Variants in PPP2R2C observed in about 807,000 individuals in gnomAD.
PPP2R2C encodes the protein protein phosphatase 2, regulatory subunit B, gamma.
PPP2R2C carries 10 observed loss-of-function variants against 45.3 expected under a neutral mutation model. The ratio of observed to expected loss-of-function variants is 0.22; its 90% confidence interval spans 0.14 to 0.37. The LOEUF is 0.37. Among genes scored for constraint, PPP2R2C ranks in the 10% least tolerant of loss-of-function variants. The probability of loss-of-function intolerance (pLI) is 1.00; values close to 1 mark genes in which losing one functional copy is unlikely to be tolerated. For synonymous variants in PPP2R2C, 257 were observed against 245.4 expected (o/e 1.05, Z -0.44); for missense variants, 308 against 619.7 (o/e 0.50, Z 5.34).
intron 1 of PPP2R2C, among the ~76,000 whole-genome samples, chr4:6,447,273 C>T (rs1410948708): frequency 6.6e-6 from 1 of 152,158 alleles, no homozygotes; most frequent in Non-Finnish European, 1.5e-5. Flanking sequence ...GAAGGTCCCT[C>T]GCACCCTTCC....
chr4:6,537,975 TG>T (rs1458571834), intron 1 of PPP2R2C, among the ~76,000 whole-genome samples: 1 of 152,104 alleles, frequency 6.6e-6, no homozygotes, highest in East Asian at 1.9e-4. Context: ...TTACCAGGGC[TG>T]GGGTTATGGA....
At chr4:6,381,379 A>G (rs1560500044) in intron 1 of PPP2R2C, 1 of 1,465,528 alleles carries the variant, frequency 6.8e-7, no homozygotes, top group Non-Finnish European at 9.1e-7. Context: ...GTAACTGGAC[A>G]CTCTATGGGA....
chr4:6,363,439 C>G (rs181072068), intron 5 of PPP2R2C, among the ~76,000 whole-genome samples: 1 of 151,900 alleles, frequency 6.6e-6, no homozygotes, highest in South Asian at 2.1e-4. Context: ...ATTAGCCGGG[C>G]GTGGTGGCGG....
In PPP2R2C at chr4:6,378,561, C is replaced by T. The variant is rs751855715; in HGVS notation, c.180G>A (p.Ala60=). The T allele has an allele frequency of 1.7e-5, 27 of 1,613,272 alleles. No homozygotes were observed. Among genetic ancestry groups the T allele is most frequent in the South Asian group, 4.4e-5 (4 of 90,990 alleles). ...CGTCGTATTCGCCCTGGCTGTGGGG[C>T]GCATTTTTACTCTGCAGGGAAACCC... is the stretch of plus-strand genomic sequence containing the variant. ...IFQREPESKN[A]PHSQGEYDVY... Residue 60 remains alanine (A), a synonymous_variant, in exon 3 of 9, where the codon GCG becomes GCA. Coordinates refer to ENST00000382599, the MANE Select transcript of PPP2R2C (RefSeq NM_020416.4). The surrounding 1 kb of genome is among the most constrained non-coding windows in gnomAD (Gnocchi z 5.2).
At chr4:6,366,360 A>G (rs1714305856) in intron 5 of PPP2R2C, among the ~76,000 whole-genome samples, 1 of 152,148 alleles carries the variant, frequency 6.6e-6, no homozygotes, top group Non-Finnish European at 1.5e-5. Flanking sequence ...AGGCGCCCAG[A>G]TCAAAAAGGA....
chr4:6,405,116 T>C (rs1006398335), intron 1 of PPP2R2C, among the ~76,000 whole-genome samples: 9 of 152,214 alleles, frequency 5.9e-5, no homozygotes, highest in Admixed American at 6.5e-5. Flanking sequence ...TGCCCGACAG[T>C]GTGTGGGAGT....
intron 2 of PPP2R2C, among the ~76,000 whole-genome samples, chr4:6,489,014 GCTGT>G (rs144714761): frequency 0.034 from 5,224 of 152,218 alleles, 148 homozygotes; most frequent in African/African-American, 0.079. Context: ...TAACTCCAGA[GCTGT>G]CTTTCTTTGC....
intron 2 of PPP2R2C, among the ~76,000 whole-genome samples, chr4:6,523,078 C>T (rs984851474): frequency 2.0e-5 from 3 of 152,208 alleles, no homozygotes; most frequent in Non-Finnish European, 2.9e-5. Flanking sequence ...TCTCCAAGTG[C>T]GGTTCCAGGG....
At chr4:6,456,115 C>A (rs1560561249) in intron 1 of PPP2R2C, among the ~76,000 whole-genome samples, 1 of 152,230 alleles carries the variant, frequency 6.6e-6, no homozygotes, top group Admixed American at 6.5e-5. Context: ...AATAATAATA[C>A]CTACATCGTG....
chr4:6,447,666 C>T (rs1388778245), intron 1 of PPP2R2C, among the ~76,000 whole-genome samples: 2 of 152,124 alleles, frequency 1.3e-5, no homozygotes, highest in Non-Finnish European at 2.9e-5. Context: ...ACATCTGTAA[C>T]AACATCCTTC....
chr4:6,422,680 C>G (rs1248608640), intron 1 of PPP2R2C, among the ~76,000 whole-genome samples: 1 of 152,132 alleles, frequency 6.6e-6, no homozygotes, highest in African/African-American at 2.4e-5. Flanking sequence ...CTGTCCTAAT[C>G]TCCTCTTCTT....
intron 1 of PPP2R2C, among the ~76,000 whole-genome samples, chr4:6,467,666 A>G (rs1009076798): frequency 2.0e-5 from 3 of 152,242 alleles, no homozygotes; most frequent in Admixed American, 2.0e-4. Flanking sequence ...GGTTTTCTTG[A>G]TAAGCAGTCA....
Position 6,511,003 on chromosome 4 carries a change from A to AAAC in PPP2R2C, c.49+24267_49+24268insGTT, listed in dbSNP as rs796429400. ...AACAAAAAAAAACAAACAAACAAAAAAAAAAACAGAAAATGTTTGTTGAAT... is the reference window on the plus strand; with the variant it reads ...AACAAAAAAAAACAAACAAACAAAAAAACAAAAAACAGAAAATGTTTGTTGAAT... On this transcript the variant is annotated intron_variant, in intron 2 of 9. Coordinates refer to the PPP2R2C transcript ENST00000506140. 1.3e-4 allele frequency among the ~76,000 whole-genome samples: 19 copies of AAAC among 148,842 alleles called. 1 individual carries two copies. The highest frequency in any genetic ancestry group is 2.0e-4 in the Admixed American group (3 of 15,056).
chr4:6,374,341 A>G (rs6446494), intron 4 of PPP2R2C, among the ~76,000 whole-genome samples: 34,187 of 152,054 alleles, frequency 0.22, 4,240 homozygotes, highest in African/African-American at 0.32. Context: ...AGAGCTCAAA[A>G]CCAGTTTTTT....
chr4:6,458,773 G>C (rs1384203017), intron 1 of PPP2R2C, among the ~76,000 whole-genome samples: 2 of 152,216 alleles, frequency 1.3e-5, no homozygotes, highest in African/African-American at 4.8e-5. Flanking sequence ...CTGACACGTT[G>C]TGGGATGGGA....
chr4:6,354,192 C>T (rs1004401164), intron 5 of PPP2R2C, among the ~76,000 whole-genome samples: 3 of 151,690 alleles, frequency 2.0e-5, no homozygotes, highest in East Asian at 2.0e-4. Flanking sequence ...CAAACAGCTG[C>T]GGGACTCCCC....
intron 1 of PPP2R2C, among the ~76,000 whole-genome samples, chr4:6,390,387 A>G (rs1716526629): frequency 6.6e-6 from 1 of 152,212 alleles, no homozygotes; most frequent in Non-Finnish European, 1.5e-5. Flanking sequence ...AGCTGTGAGC[A>G]GCTGTAATCA....
In PPP2R2C at chr4:6,352,833, G is replaced by A. The variant is rs576395217; in HGVS notation, c.626-4823C>T. Among the ~76,000 whole-genome samples, 4 of 152,250 alleles carry A rather than the reference G, an allele frequency of 2.6e-5. No individual in the cohort carries two copies. In the South Asian group the frequency reaches 8.3e-4, roughly 32 times the overall value. The stretch of plus-strand genomic sequence containing the variant: ...GAGACTGTGGAGTGTGATCTCATTT[G>A]GGAAAAGGGTCTTTGCAGATGTAGT... On this transcript the variant is annotated intron_variant, in intron 5 of 8. Transcript: ENST00000382599.
At chr4:6,372,328 G>A (rs1018436077) in intron 5 of PPP2R2C, among the ~76,000 whole-genome samples, 195 bp downstream of exon 5, 8 of 152,212 alleles carry the variant, frequency 5.3e-5, no homozygotes, top group Non-Finnish European at 1.0e-4. Context: ...ACGACTTTGC[G>A]GTTTTCAGAA....
Sources: gnomAD v4.1 joint callset for allele counts (sites outside exome capture counted in the v4.1 genomes callset) on GRCh38, gnomAD v4.1.1 for gene constraint, Gnocchi (gnomAD v3.1) non-coding constraint, MANE v1.5 for transcripts, NCBI Gene and HGNC (gene_info 2026-07-23, HGNC 2026-07-21) for gene names.